RBFOX1: variants seen among roughly 807,000 people sequenced by gnomAD.
RBFOX1 encodes the protein RNA binding protein fox-1 homolog 1.
A neutral mutation model predicts 57.7 loss-of-function variants in RBFOX1; 8 were observed. That is an observed-to-expected ratio of 0.14 (90% CI 0.08 to 0.25). The LOEUF is 0.25. Ranked by LOEUF, RBFOX1 falls within the 10% of genes least tolerant of loss-of-function variation. The probability of loss-of-function intolerance (pLI) is 1.00; values close to 1 mark genes in which losing one functional copy is unlikely to be tolerated. For synonymous variants in RBFOX1, 326 were observed against 222.4 expected (o/e 1.47, Z -4.15); for missense variants, 611 against 548.5 (o/e 1.11, Z -1.14).
rs573048465 is a variant in RBFOX1 at position 6,805,670 on chromosome 16, C to T, written c.-16+151020C>T. On this transcript the variant is annotated intron_variant, in intron 3 of 15. Coordinates refer to ENST00000550418, the MANE Select transcript of RBFOX1 (RefSeq NM_018723.4). ...AAGGAGGGAAGTCTGTTAATGAATG[C>T]TGAAAACATGTGAAATTATCCTTAC... Among the ~76,000 whole-genome samples, 28 of 149,984 alleles carry T rather than the reference C, an allele frequency of 1.9e-4. No homozygotes were observed. The East Asian group carries it at 5.4e-3, about 29-fold the overall frequency.
intron 2 of RBFOX1, among the ~76,000 whole-genome samples, chr16:6,586,300 T>C (rs536425127): frequency 6.6e-6 from 1 of 152,326 alleles, no homozygotes; most frequent in South Asian, 2.1e-4. Flanking sequence ...TTCTATATTG[T>C]GCATAGATGA....
At chr16:6,354,417 CT>C (rs1490135538) in intron 2 of RBFOX1, among the ~76,000 whole-genome samples, 9 of 152,312 alleles carry the variant, frequency 5.9e-5, no homozygotes, top group Middle Eastern at 3.4e-3. Flanking sequence ...CACTCTGAGT[CT>C]GCACCAGTCT....
At chr16:6,983,293 A>G (rs72776228) in intron 3 of RBFOX1, among the ~76,000 whole-genome samples, 3,700 of 152,264 alleles carry the variant, frequency 0.024, 48 homozygotes, top group Non-Finnish European at 0.036. Flanking sequence ...GCAGTTGTCT[A>G]TCCAATGAGT....
intron 4 of RBFOX1, among the ~76,000 whole-genome samples, chr16:7,325,500 A>G (rs2096599598): frequency 1.3e-5 from 2 of 152,202 alleles, no homozygotes; most frequent in Admixed American, 6.5e-5. Flanking sequence ...CTTAGTACAT[A>G]CTTGTCATTC....
intron 15 of RBFOX1, chr16:7,709,362 C>A: frequency 9.2e-7 from 1 of 1,087,786 alleles, no homozygotes; most frequent in Non-Finnish European, 1.3e-6. Flanking sequence ...GCAAGTCTCA[C>A]CTAGCAGAGC....
At chr16:6,371,548 A>C (rs745361537) in intron 2 of RBFOX1, among the ~76,000 whole-genome samples, 35 of 152,058 alleles carry the variant, frequency 2.3e-4, no homozygotes, top group Non-Finnish European at 4.1e-4. Flanking sequence ...TTTTTTTAAT[A>C]ACATCCTTAT....
At chr16:5,955,958 A>G (rs1472517245) in intron 4 of RBFOX1, among the ~76,000 whole-genome samples, 1 of 152,170 alleles carries the variant, frequency 6.6e-6, no homozygotes, top group Non-Finnish European at 1.5e-5. Flanking sequence ...AGGGGTGCAC[A>G]TCTAACAAAT....
At chr16:6,990,917 G>T (rs541292739) in intron 3 of RBFOX1, among the ~76,000 whole-genome samples, 1 of 151,920 alleles carries the variant, frequency 6.6e-6, no homozygotes, top group Non-Finnish European at 1.5e-5. Context: ...AGTGACTCTC[G>T]CAATTTATTG....
At chr16:5,347,980 G>A (rs12102372) in intron 1 of RBFOX1, among the ~76,000 whole-genome samples, 3,337 of 95,054 alleles carry the variant, frequency 0.035, 197 homozygotes, top group African/African-American at 0.13. Flanking sequence ...CCAACCCATC[G>A]ATCCATCTAC....
intron 2 of RBFOX1, among the ~76,000 whole-genome samples, chr16:6,443,176 A>G (rs1043076459): frequency 4.6e-5 from 7 of 152,284 alleles, no homozygotes; most frequent in Non-Finnish European, 7.3e-5. Flanking sequence ...TTCCATGTAT[A>G]TGAAGGAAGC....
At chr16:6,696,506 A>T (rs2061070170) in intron 3 of RBFOX1, among the ~76,000 whole-genome samples, 1 of 152,192 alleles carries the variant, frequency 6.6e-6, no homozygotes. Flanking sequence ...TCAGTTTTTC[A>T]TTGTAGCCGA....
At chr16:6,543,696 G>A (rs528762800) in intron 2 of RBFOX1, among the ~76,000 whole-genome samples, 40 of 152,212 alleles carry the variant, frequency 2.6e-4, no homozygotes, top group African/African-American at 7.2e-4. Context: ...GAACCTACGG[G>A]ATTATGTGGA....
intron 1 of RBFOX1, among the ~76,000 whole-genome samples, chr16:6,157,133 A>G (rs2096844160): frequency 6.6e-6 from 1 of 152,006 alleles, no homozygotes; most frequent in East Asian, 1.9e-4. Flanking sequence ...ACACCCCTCT[A>G]ATATAAATAA....
intron 2 of RBFOX1, among the ~76,000 whole-genome samples, chr16:5,520,830 T>C (rs532169070): frequency 6.6e-6 from 1 of 152,322 alleles, no homozygotes; most frequent in South Asian, 2.1e-4. Flanking sequence ...AATGCAGTTA[T>C]GTGCTTAGAC....
chr16:5,844,099 A>G (rs2056691828), intron 3 of RBFOX1, among the ~76,000 whole-genome samples: 1 of 152,204 alleles, frequency 6.6e-6, no homozygotes, highest in Admixed American at 6.5e-5. Flanking sequence ...TTTTGCTGGA[A>G]CAAAGGGATG....
intron 3 of RBFOX1, among the ~76,000 whole-genome samples, chr16:6,880,963 G>A (rs1175703833): frequency 6.6e-6 from 1 of 152,144 alleles, no homozygotes; most frequent in African/African-American, 2.4e-5. Flanking sequence ...TCTAATAACA[G>A]TTTTTCAAGA....
chr16:6,096,831 T>C (rs563100008), intron 1 of RBFOX1, among the ~76,000 whole-genome samples: 2 of 152,342 alleles, frequency 1.3e-5, no homozygotes, highest in Admixed American at 6.5e-5. Context: ...CTGTCATTCA[T>C]TGGCCAGGTC....
chr16:6,678,837 T>A (rs1006434263), intron 3 of RBFOX1, among the ~76,000 whole-genome samples: 1 of 152,108 alleles, frequency 6.6e-6, no homozygotes, highest in Non-Finnish European at 1.5e-5. Context: ...TCCAGGAGGC[T>A]GAGTGAGGCT....
chr16:7,114,396 G>A (rs115403445), intron 4 of RBFOX1, among the ~76,000 whole-genome samples: 1 of 152,146 alleles, frequency 6.6e-6, no homozygotes, highest in African/African-American at 2.4e-5. Context: ...TGGGAAGGAA[G>A]TATATGCTCA....
Sources: allele counts gnomAD v4.1 joint callset (sites outside exome capture counted in the v4.1 genomes callset), GRCh38; gene constraint gnomAD v4.1.1; transcripts MANE v1.5; gene names NCBI Gene and HGNC (gene_info 2026-07-23, HGNC 2026-07-21).